Variants in CTDSP2 observed in about 807,000 individuals in gnomAD.
CTDSP2 encodes the protein carboxy-terminal domain RNA polymerase II polypeptide A small phosphatase 2.
A neutral mutation model predicts 31.6 loss-of-function variants in CTDSP2; 9 were observed. The ratio of observed to expected loss-of-function variants is 0.28; its 90% CI spans 0.17 to 0.50. The LOEUF is 0.50. Among genes scored for constraint, CTDSP2 ranks in the 20% least tolerant of loss-of-function variants. The pLI, the probability that CTDSP2 is intolerant of heterozygous loss-of-function variation, is 0.98. For missense variants in CTDSP2, 267 were observed against 348.5 expected, an observed-to-expected ratio of 0.77 and a Z score of 1.86; for synonymous variants, 134 against 134.5, an observed-to-expected ratio of 1.00 and a Z score of 0.03.
chr12:57,833,505 CT>C (rs1209663112), intron 1 of CTDSP2, among the ~76,000 whole-genome samples: 1 of 152,204 alleles, frequency 6.6e-6, no homozygotes, highest in African/African-American at 2.4e-5. Flanking sequence ...GGCTGTCCTC[CT>C]TTCCTTTCTA....
At chr12:57,836,878 T>C (rs1186651460) in intron 1 of CTDSP2, among the ~76,000 whole-genome samples, 1 of 152,196 alleles carries the variant, frequency 6.6e-6, no homozygotes, top group East Asian at 1.9e-4. Context: ...CCCATTCAGG[T>C]AGAAAGTTGC....
Position 57,827,599 on chromosome 12 carries a change from GAGA to G in CTDSP2, c.214-12_214-10del. On this transcript the variant is annotated splice_polypyrimidine_tract_variant and intron_variant, in intron 2 of 7. Transcript: ENST00000398073. ...CACTGGAGCAGATCCGACTGAGGAA[GAGA>G]AGGAGGTGGTCAGTGCCATCTCACT... 3 of 1,613,826 alleles carry G rather than the reference GAGA, an allele frequency of 1.9e-6. No homozygotes were observed. Among genetic ancestry groups the G allele is most frequent in the Non-Finnish European group, 2.5e-6 (3 of 1,179,820 alleles).
intron 1 of CTDSP2, among the ~76,000 whole-genome samples, chr12:57,831,103 T>TA (rs11309444): frequency 0.32 from 38,669 of 121,444 alleles, 6,345 homozygotes; most frequent in East Asian, 0.66. Flanking sequence ...GCCAAGCAGA[T>TA]AAAAAAAAAA....
chr12:57,840,111 G>GCTGT (rs150417878), intron 1 of CTDSP2, among the ~76,000 whole-genome samples: 5,024 of 152,164 alleles, frequency 0.033, 105 homozygotes, highest in Non-Finnish European at 0.054. Flanking sequence ...TGGGGCCACT[G>GCTGT]CTGTGCCTAC....
intron 5 of CTDSP2, among the ~76,000 whole-genome samples, chr12:57,826,016 A>T (rs1478342991): frequency 1.3e-5 from 2 of 152,214 alleles, no homozygotes; most frequent in East Asian, 3.8e-4. Context: ...GTAATAAATC[A>T]TTTAACAGTG....
In CTDSP2 at chr12:57,846,449, G is replaced by T; in HGVS notation, c.-14C>A. On this transcript the variant is annotated 5_prime_UTR_variant, in exon 1 of 8. Transcript: ENST00000398073. ...GCCGTGTTCCATCTAACAATCCCGC[G>T]GGCCCGGGCTGGCTGGGCGGGAGGA... 6.3e-7 allele frequency: 1 copy of T among 1,579,518 alleles called. No homozygotes were observed. Among genetic ancestry groups the T allele is most frequent in the Non-Finnish European group, 8.6e-7 (1 of 1,164,140 alleles).
At chr12:57,842,200 A>G (rs1394811029) in intron 1 of CTDSP2, 1 of 152,200 alleles carries the variant, frequency 6.6e-6, no homozygotes, top group Non-Finnish European at 1.5e-5. Context: ...AATCCCATAT[A>G]TATTTACATA....
At chr12:57,831,392 G>A (rs989483154) in intron 1 of CTDSP2, among the ~76,000 whole-genome samples, 12 of 152,062 alleles carry the variant, frequency 7.9e-5, no homozygotes, top group African/African-American at 1.9e-4. Context: ...GGTGGAAGTC[G>A]CAGTGAGCCG....
intron 2 of CTDSP2, among the ~76,000 whole-genome samples, chr12:57,827,944 C>T (rs1368492985): frequency 6.6e-6 from 1 of 152,136 alleles, no homozygotes; most frequent in Non-Finnish European, 1.5e-5. Context: ...GGCAAACTCT[C>T]GCTAAGTCCT....
At chr12:57,834,333 C>A (rs767615667) in intron 1 of CTDSP2, among the ~76,000 whole-genome samples, 1 of 152,090 alleles carries the variant, frequency 6.6e-6, no homozygotes, top group Non-Finnish European at 1.5e-5. Flanking sequence ...TGCTCTCTGC[C>A]TCTCTAGGAT....
chr12:57,832,725 T>C (rs147238304), intron 1 of CTDSP2, among the ~76,000 whole-genome samples: 3,517 of 128,118 alleles, frequency 0.027, 60 homozygotes, highest in Middle Eastern at 0.091. Context: ...CCGGGAGGCA[T>C]AGGTTGCACT....
At chr12:57,838,642 T>C (rs866398569) in intron 1 of CTDSP2, among the ~76,000 whole-genome samples, 12 of 152,298 alleles carry the variant, frequency 7.9e-5, no homozygotes, top group African/African-American at 2.9e-4. Context: ...GAGAAAGCAG[T>C]GAGGACACAG....
At chr12:57,845,725 C>G (rs943330434) in intron 1 of CTDSP2, among the ~76,000 whole-genome samples, 1 of 152,146 alleles carries the variant, frequency 6.6e-6, no homozygotes, top group East Asian at 1.9e-4. Flanking sequence ...TGGTCAGAGG[C>G]AGCCGGGAGG....
intron 1 of CTDSP2, among the ~76,000 whole-genome samples, chr12:57,839,716 T>C (rs983175647): frequency 2.0e-5 from 3 of 151,414 alleles, no homozygotes; most frequent in Admixed American, 1.3e-4. Flanking sequence ...AGAGCAAGAC[T>C]CCATCTCAAA....
chr12:57,841,508 C>T (rs1196395464), intron 1 of CTDSP2, among the ~76,000 whole-genome samples: 3 of 152,228 alleles, frequency 2.0e-5, no homozygotes, highest in African/African-American at 4.8e-5. Flanking sequence ...TCACAGGGGG[C>T]ACATGCCTGG....
Position 57,823,356 on chromosome 12 carries a change from C to CA in CTDSP2, c.*245dup. On this transcript the variant is annotated 3_prime_UTR_variant, in exon 8 of 8. Transcript: ENST00000398073. ...CACAGTTCATGGCAAAACACACACA[C>CA]AAACACACACTCTCTCACAGTCAAA... The CA allele has an allele frequency of 1.9e-6, 1 of 539,248 alleles. No individual in the cohort carries two copies. 33.4% of individuals were successfully genotyped at this position (539,248 alleles called of 1,614,324 possible).
At chr12:57,825,454 T>C (rs1956176992) in intron 5 of CTDSP2, among the ~76,000 whole-genome samples, 1 of 152,202 alleles carries the variant, frequency 6.6e-6, no homozygotes, top group Non-Finnish European at 1.5e-5. Flanking sequence ...TACCCTTCCT[T>C]GTTAGCCAGG....
At chr12:57,846,051 A>G (rs1258563526) in intron 1 of CTDSP2, among the ~76,000 whole-genome samples, 1 of 151,612 alleles carries the variant, frequency 6.6e-6, no homozygotes, top group Non-Finnish European at 1.5e-5. Context: ...CCCACCCCCA[A>G]CTCCGGAGGC....
Position 57,823,571 on chromosome 12 carries a change from T to TGGG in CTDSP2, c.*28_*30dup, listed in dbSNP as rs773166364. On this transcript the variant is annotated 3_prime_UTR_variant, in exon 8 of 8. Transcript: ENST00000398073. ...GGCACAGTGTGGGAAAGTCCCCTAC[T>TGGG]GGGATGGCCGTCGCTTGGAAGCAGG... The TGGG allele has an allele frequency of 6.2e-7, 1 of 1,611,812 alleles. No homozygotes were observed. The highest frequency in any genetic ancestry group is 8.5e-7 in the Non-Finnish European group (1 of 1,179,496).
Sources: gnomAD v4.1 joint callset for allele counts (sites outside exome capture counted in the v4.1 genomes callset) on GRCh38, gnomAD v4.1.1 for gene constraint, MANE v1.5 for transcripts, NCBI Gene and HGNC (gene_info 2026-07-23, HGNC 2026-07-21) for gene names.